The following SPHKAP variants were observed in gnomAD, a reference collection of about 807,000 sequenced individuals.
SPHKAP encodes the protein SPHK1 interactor, AKAP domain containing.
SPHKAP carries 67 observed loss-of-function variants against 137.5 expected under a neutral mutation model. That is an observed-to-expected ratio of 0.49 (90% CI 0.40 to 0.60). The LOEUF is 0.60. Ranked by LOEUF, SPHKAP falls within the 20% of genes least tolerant of loss-of-function variation. SPHKAP has a pLI of 0.00. For missense variants in SPHKAP, 2,097 were observed against 2,069.3 expected, an observed-to-expected ratio of 1.01 and a Z score of -0.26; for synonymous variants, 813 against 785.3, an observed-to-expected ratio of 1.04 and a Z score of -0.59.
chr2:227,995,417 A>AT, intron 8 of SPHKAP, 92 bp downstream of exon 8: 1 of 1,481,302 alleles, frequency 6.8e-7, no homozygotes, highest in East Asian at 2.3e-5. Context: ...TTCTCTCTTT[A>AT]TTAGGGACCC....
chr2:228,035,796 T>C (rs1171720646), intron 3 of SPHKAP, among the ~76,000 whole-genome samples: 2 of 152,220 alleles, frequency 1.3e-5, no homozygotes, highest in Non-Finnish European at 2.9e-5. Flanking sequence ...ATTCCCTATT[T>C]AATAAATGGT....
intron 3 of SPHKAP, among the ~76,000 whole-genome samples, chr2:228,054,934 G>A (rs779107976): frequency 5.3e-5 from 8 of 152,014 alleles, no homozygotes; most frequent in Non-Finnish European, 1.0e-4. Flanking sequence ...GAGGTCAGGA[G>A]TTCGAGACCA....
At chr2:228,050,394 C>T (rs939840686) in intron 3 of SPHKAP, among the ~76,000 whole-genome samples, 1 of 152,174 alleles carries the variant, frequency 6.6e-6, no homozygotes, top group African/African-American at 2.4e-5. Context: ...ATGTTCACAG[C>T]AGCACTATTC....
chr2:228,092,060 C>T (rs1697756396), intron 3 of SPHKAP, among the ~76,000 whole-genome samples: 1 of 148,478 alleles, frequency 6.7e-6, no homozygotes, highest in Admixed American at 6.7e-5. Flanking sequence ...AATTGTGCAA[C>T]ATATATATGT....
intron 3 of SPHKAP, among the ~76,000 whole-genome samples, chr2:228,079,092 G>A (rs148817995): frequency 6.6e-6 from 1 of 152,318 alleles, no homozygotes; most frequent in Non-Finnish European, 1.5e-5. Flanking sequence ...TTTCATGGAA[G>A]GTCAAGGGGA....
chr2:228,001,522 T>C (rs1481483237), intron 7 of SPHKAP, among the ~76,000 whole-genome samples: 2 of 144,424 alleles, frequency 1.4e-5, no homozygotes, highest in East Asian at 3.9e-4. Flanking sequence ...TATAAGAATA[T>C]ATATACATAT....
intron 3 of SPHKAP, among the ~76,000 whole-genome samples, chr2:228,072,139 C>CT (rs1352025811): frequency 6.6e-6 from 1 of 152,298 alleles, no homozygotes; most frequent in African/African-American, 2.4e-5. Context: ...TGATCTTCTA[C>CT]TTTTTGTCAC....
intron 7 of SPHKAP, among the ~76,000 whole-genome samples, chr2:228,000,251 G>T (rs1229977157): frequency 6.6e-6 from 1 of 152,166 alleles, no homozygotes; most frequent in East Asian, 1.9e-4. Context: ...AGGCCAAGGC[G>T]GGTGGATCAC....
rs1054547258 is a variant in SPHKAP, at chr2:228,042,121, A to G, written c.247-14578T>C. Among the ~76,000 whole-genome samples, 4 of 152,120 alleles carry G rather than the reference A, an allele frequency of 2.6e-5. No individual in the cohort carries two copies. The East Asian group carries it at 7.7e-4, about 29-fold the overall frequency. On this transcript the variant is annotated intron_variant, in intron 3 of 11. Transcript: ENST00000392056. ...AAGCAATCGTGCAAACAAACAAACAACCAATGGAGCATCACAGGTACTGGC... is the reference window on the plus strand; with the variant it reads ...AAGCAATCGTGCAAACAAACAAACAGCCAATGGAGCATCACAGGTACTGGC...
intron 1 of SPHKAP, among the ~76,000 whole-genome samples, chr2:228,151,560 G>A (rs987390208): frequency 6.6e-6 from 1 of 152,098 alleles, no homozygotes; most frequent in Non-Finnish European, 1.5e-5. Context: ...CATTGTAAAA[G>A]TGTTCCTATT....
At chr2:228,095,503 G>C (rs571828794) in intron 3 of SPHKAP, among the ~76,000 whole-genome samples, 2 of 152,248 alleles carry the variant, frequency 1.3e-5, no homozygotes, top group South Asian at 4.2e-4. Flanking sequence ...GAAGCTGTGT[G>C]GGGGTGTGAG....
chr2:227,997,011 T>G (rs1056003027), intron 7 of SPHKAP, among the ~76,000 whole-genome samples: 2 of 152,226 alleles, frequency 1.3e-5, no homozygotes, highest in Non-Finnish European at 2.9e-5. Context: ...TTAGACCTTG[T>G]GTGCTTGCCT....
In SPHKAP at chr2:228,027,541, G is replaced by A; in HGVS notation, c.249C>T (p.Val83=). 1 of 1,613,900 alleles carries A rather than the reference G, an allele frequency of 6.2e-7. No homozygotes were observed. Among genetic ancestry groups the A allele is most frequent in the South Asian group, 1.1e-5 (1 of 91,054 alleles). The change falls in exon 4 of 12, where the codon GTC becomes GTT. Residue 83 remains valine, a splice_region_variant and synonymous_variant. Transcript: ENST00000392056. ...VEDKSENCAS[V]CFVNLDVNKD... is the part of the protein sequence containing the mutation. ...TGTTCACATCAAGATTCACAAAGCA[G>A]ACCTGGGAAAAGAGGGCAAAAATAG...
At chr2:228,030,113 A>C (rs1695224067) in intron 3 of SPHKAP, among the ~76,000 whole-genome samples, 1 of 152,156 alleles carries the variant, frequency 6.6e-6, no homozygotes, top group South Asian at 2.1e-4. Flanking sequence ...ACACAAACCA[A>C]CTTCTTGCTT....
At chr2:228,024,326 C>G (rs1400890553) in intron 5 of SPHKAP, among the ~76,000 whole-genome samples, 1 of 144,050 alleles carries the variant, frequency 6.9e-6, no homozygotes, top group African/African-American at 2.6e-5. Context: ...GAAAAGTGTT[C>G]TATAATGCAG....
rs1698075190 is a variant in SPHKAP, at chr2:228,098,544, T to C, written c.246+10288A>G. Among the ~76,000 whole-genome samples the C allele has an allele frequency of 3.3e-5, 5 of 151,506 alleles. No individual in the cohort carries two copies. In the South Asian group the frequency reaches 1.0e-3, roughly 32 times the overall value. ...ACCAAACACTGCATGTTCTCACTCA[T>C]AGGTGGGAATTGAACAATGAGAACA... On this transcript the variant is annotated intron_variant, in intron 3 of 11. Coordinates refer to ENST00000392056, the MANE Select transcript of SPHKAP (RefSeq NM_001142644.2).
At chr2:228,109,006 TC>T (rs565300415) in intron 2 of SPHKAP, 67 bp from the exon 3 acceptor site, 4 of 906,348 alleles carry the variant, frequency 4.4e-6, no homozygotes, top group African/African-American at 1.9e-5. Flanking sequence ...CAGCTCTCTC[TC>T]TTTTTTTTTT....
At chr2:228,135,207 G>A (rs1446949989) in intron 1 of SPHKAP, among the ~76,000 whole-genome samples, 1 of 150,830 alleles carries the variant, frequency 6.6e-6, no homozygotes, top group Non-Finnish European at 1.5e-5. Context: ...CCAGGAGGCA[G>A]AGGTTGTGGT....
chr2:228,122,293 T>A (rs1378825380), intron 2 of SPHKAP, among the ~76,000 whole-genome samples: 14 of 152,104 alleles, frequency 9.2e-5, no homozygotes, highest in Admixed American at 9.2e-4. Context: ...CTTTTGATTT[T>A]TTTTTAAAAA....
Sources: gnomAD v4.1 joint callset for allele counts (sites outside exome capture counted in the v4.1 genomes callset) on GRCh38, gnomAD v4.1.1 for gene constraint, MANE v1.5 for transcripts, NCBI Gene and HGNC (gene_info 2026-07-23, HGNC 2026-07-21) for gene names.